FOCAD: variants seen among roughly 807,000 people sequenced by gnomAD.
The protein encoded by FOCAD is KIAA1797.
A neutral mutation model predicts 225.6 loss-of-function variants in FOCAD; 198 were observed. That is an observed-to-expected ratio of 0.88 (90% CI 0.78 to 0.99). The LOEUF is 0.99. Among genes scored for constraint, FOCAD ranks in the 50% least tolerant of loss-of-function variants. The pLI is 0.00. For missense variants in FOCAD, 2,713 were observed against 2,123.6 expected (o/e 1.28, Z -5.46); for synonymous variants, 897 against 755.0 (o/e 1.19, Z -3.08).
rs115041823 is a variant in FOCAD at position 20,723,123 on chromosome 9, G to C, written c.287+2589G>C. On this transcript the variant is annotated intron_variant, in intron 4 of 43. Transcript: ENST00000338382. Reference sequence around the variant, plus strand: ...TAAATTGCAAAGTATAAGCTTTGCAGATAGTGAATTATCCTGTCATCTCTG... The same window carrying C: ...TAAATTGCAAAGTATAAGCTTTGCACATAGTGAATTATCCTGTCATCTCTG... Among the ~76,000 whole-genome samples the C allele has an allele frequency of 6.6e-3, 1,003 of 152,294 alleles. 9 individuals are homozygous for C. In the Middle Eastern group the frequency reaches 0.085, roughly 13 times the overall value.
chr9:20,806,603 G>C (rs1174936851), intron 11 of FOCAD, among the ~76,000 whole-genome samples: 2 of 151,984 alleles, frequency 1.3e-5, no homozygotes, highest in Non-Finnish European at 1.5e-5. Context: ...TTTCCCTCGG[G>C]GGCATTGTAA....
At chr9:20,715,446 A>T in intron 2 of FOCAD, 36 bp downstream of exon 2, 4 of 1,319,282 alleles carry the variant, frequency 3.0e-6, no homozygotes, top group Non-Finnish European at 4.1e-6. Flanking sequence ...CATGGTAACA[A>T]ATAAACCTGT....
intron 21 of FOCAD, among the ~76,000 whole-genome samples, chr9:20,895,109 C>T (rs1010987430): frequency 2.0e-5 from 3 of 152,064 alleles, no homozygotes; most frequent in African/African-American, 7.2e-5. Flanking sequence ...TTGACTCATT[C>T]TCAAATATTA....
chr9:20,694,293 A>G (rs1289377585), intron 1 of FOCAD, among the ~76,000 whole-genome samples: 1 of 152,220 alleles, frequency 6.6e-6, no homozygotes, highest in East Asian at 1.9e-4. Flanking sequence ...AACTTCAGAT[A>G]AGAGAAGTGT....
intron 5 of FOCAD, among the ~76,000 whole-genome samples, chr9:20,757,080 C>A (rs1263845870): frequency 6.6e-6 from 1 of 152,158 alleles, no homozygotes; most frequent in Non-Finnish European, 1.5e-5. Context: ...CAGGCATGCG[C>A]CACCATTCCC....
Position 20,820,433 on chromosome 9 carries a change from C to G in FOCAD, c.1662+8C>G. ...TCTTTGTGGGAAAAGCAGGTAATTT[C>G]AGATATACACTTGCATGAGTATTAA... On this transcript the variant is annotated splice_region_variant and intron_variant, in intron 13 of 43. Transcript: ENST00000338382. 2 of 1,603,798 alleles carry G rather than the reference C, an allele frequency of 1.2e-6. No homozygotes were observed. Among genetic ancestry groups the G allele is most frequent in the Non-Finnish European group, 1.7e-6 (2 of 1,171,458 alleles).
intron 1 of FOCAD, among the ~76,000 whole-genome samples, chr9:20,699,829 T>A (rs1276022313): frequency 1.0e-4 from 13 of 124,606 alleles, no homozygotes; most frequent in Non-Finnish European, 1.6e-4. Flanking sequence ...GAGCTACATA[T>A]TACATCTTAA....
In FOCAD at chr9:20,770,106, T is replaced by C; in HGVS notation, c.774T>C (p.Pro258=). ...EEVCLSLLRH[P]VFWKIQLTQM... ...TATGTTTAAGCCTTTTGCGTCATCC[T>C]GTTTTCTGGAAAATTCAGCTTACCC... Residue 258 remains proline (P), a synonymous_variant, in exon 8 of 44, where the codon CCT becomes CCC. Transcript: ENST00000338382. The C allele has an allele frequency of 6.2e-7, 1 of 1,614,146 alleles. No homozygotes were observed. The highest frequency in any genetic ancestry group is 1.3e-5 in the African/African-American group (1 of 75,062).
chr9:20,931,968 A>G (rs1185645482), intron 27 of FOCAD, among the ~76,000 whole-genome samples: 1 of 152,056 alleles, frequency 6.6e-6, no homozygotes, highest in Non-Finnish European at 1.5e-5. Context: ...AGGCTTATGA[A>G]AAAGTCTCCT....
chr9:20,753,195 T>C (rs911073165), intron 5 of FOCAD, among the ~76,000 whole-genome samples: 13 of 152,092 alleles, frequency 8.5e-5, no homozygotes, highest in African/African-American at 2.9e-4. Flanking sequence ...TCCAACACTA[T>C]GTTGAATAGG....
intron 2 of FOCAD, among the ~76,000 whole-genome samples, chr9:20,716,770 A>G (rs1417687450): frequency 3.3e-5 from 5 of 152,104 alleles, no homozygotes; most frequent in Non-Finnish European, 5.9e-5. Context: ...CTAGTAATTG[A>G]TGGCAGCAGT....
At chr9:20,963,355 C>T (rs932303645) in intron 35 of FOCAD, among the ~76,000 whole-genome samples, 2 of 152,244 alleles carry the variant, frequency 1.3e-5, no homozygotes, top group African/African-American at 4.8e-5. Context: ...AAGGAGAGCT[C>T]ATTATCTTAA....
chr9:20,913,982 C>A (rs527333117), intron 23 of FOCAD, among the ~76,000 whole-genome samples: 28 of 151,762 alleles, frequency 1.8e-4, no homozygotes, highest in Middle Eastern at 3.4e-3. Flanking sequence ...AGAATGATTT[C>A]GGCTGGATGT....
chr9:20,808,366 C>A (rs1054160261), intron 11 of FOCAD, among the ~76,000 whole-genome samples: 1 of 152,044 alleles, frequency 6.6e-6, no homozygotes, highest in Admixed American at 6.6e-5. Context: ...AGAATAGGGG[C>A]AGGTTTGCCA....
rs116690152 is a variant in FOCAD, at chr9:20,771,880, G to A, written c.906+1642G>A. Among the ~76,000 whole-genome samples, 559 of 152,302 alleles carry A rather than the reference G, an allele frequency of 3.7e-3. 4 individuals carry two copies. The highest frequency in any genetic ancestry group is 0.013 in the African/African-American group (523 of 41,576). ...TAATGGCTTGCAGCTGGCTTTCCTC[G>A]CATGATAGGGAGAGTATGAGCTCTG... On this transcript the variant is annotated intron_variant, in intron 8 of 43. Coordinates refer to ENST00000338382, the MANE Select transcript of FOCAD (RefSeq NM_001375567.1).
At chr9:20,744,278 C>A (rs1296397685) in intron 5 of FOCAD, among the ~76,000 whole-genome samples, 2 of 152,158 alleles carry the variant, frequency 1.3e-5, no homozygotes, top group African/African-American at 4.8e-5. Flanking sequence ...ATGGCCCAGA[C>A]TTCTGCATTT....
chr9:20,820,704 T>A (rs1824230819), intron 13 of FOCAD, among the ~76,000 whole-genome samples: 1 of 152,152 alleles, frequency 6.6e-6, no homozygotes, highest in Admixed American at 6.6e-5. Context: ...ATTAGAGCCT[T>A]TGTAATTAGG....
chr9:20,831,330 C>G (rs1587336997), intron 15 of FOCAD, among the ~76,000 whole-genome samples: 1 of 152,080 alleles, frequency 6.6e-6, no homozygotes. Context: ...CACAGCTTCT[C>G]TTTCAAACCC....
At chr9:20,964,629 G>A (rs1839086538) in intron 35 of FOCAD, among the ~76,000 whole-genome samples, 1 of 151,726 alleles carries the variant, frequency 6.6e-6, no homozygotes, top group Admixed American at 6.6e-5. Flanking sequence ...TCTTCCTCCT[G>A]GGTTCAAGCG....
Sources: gnomAD v4.1 joint callset for allele counts (sites outside exome capture counted in the v4.1 genomes callset) on GRCh38, gnomAD v4.1.1 for gene constraint, MANE v1.5 for transcripts, NCBI Gene and HGNC (gene_info 2026-07-23, HGNC 2026-07-21) for gene names.